Variants in EPPK1 observed in about 807,000 individuals in gnomAD.
EPPK1 encodes the protein epiplakin.
For missense variants in EPPK1, 3,823 were observed against 3,673.3 expected, an observed-to-expected ratio of 1.04 and a Z score of -1.05; for synonymous variants, 1,862 against 1,721.2, an observed-to-expected ratio of 1.08 and a Z score of -2.03.
At chr8:143,877,160 C>G (rs1454952523) in intron 1 of EPPK1, among the ~76,000 whole-genome samples, 1 of 152,212 alleles carries the variant, frequency 6.6e-6, no homozygotes, top group Non-Finnish European at 1.5e-5. Flanking sequence ...TGGCTGGCTG[C>G]ACCACTCCCT....
In EPPK1 at chr8:143,857,604, C is replaced by T. The variant is rs1281665656; in HGVS notation, c.*383G>A. On this transcript the variant is annotated 3_prime_UTR_variant, in exon 2 of 2. Transcript: ENST00000615648. ...AATAGCACATCGTTAGGGAAATAAC[C>T]GCATGTAATAAAAATTACACTGCAA... is the stretch of plus-strand genomic sequence containing the variant. The T allele has an allele frequency of 4.7e-6, 1 of 211,532 alleles. No individual in the cohort carries two copies. The highest frequency in any genetic ancestry group is 1.1e-4 in the East Asian group (1 of 9,422). The allele number at this position is 211,532 out of a possible 1,614,324, so 13.1% of individuals were successfully genotyped here. A position where few individuals can be genotyped will look rare whatever the true frequency, so the allele number is the denominator to read the frequency against.
In EPPK1 at chr8:143,857,590, G is replaced by A. The variant is rs781921297; in HGVS notation, c.*397C>T. The A allele has an allele frequency of 3.7e-5, 7 of 190,682 alleles. No individual in the cohort carries two copies. The highest frequency in any genetic ancestry group is 5.3e-5 in the Non-Finnish European group (5 of 93,866). 11.8% of individuals were successfully genotyped at this position (190,682 alleles called of 1,614,324 possible). A position where few individuals can be genotyped will look rare whatever the true frequency, so the allele number is the denominator to read the frequency against. ...TGAAGATGAACGTGAATAGCACATC[G>A]TTAGGGAAATAACCGCATGTAATAA... is the stretch of plus-strand genomic sequence containing the variant. On this transcript the variant is annotated 3_prime_UTR_variant, in exon 2 of 2. Transcript: ENST00000615648.
rs1554660544 is a variant in EPPK1 at position 143,869,921 on chromosome 8, G to C, written c.3333C>G (p.His1111Gln). ...GAGCACTTTCTGGCAGGGGCAGGAGGTGAAGGCCAGAAGTCTCATCCCTGG... is the reference window on the plus strand; with the variant it reads ...GAGCACTTTCTGGCAGGGGCAGGAGCTGAAGGCCAGAAGTCTCATCCCTGG... ...ECPRDETSGL[H>Q]LLPLPESAPA... The change falls in exon 2 of 2, where the codon CAC (histidine) becomes CAG (glutamine). Residue 1111 changes from histidine (H) to glutamine (Q), a missense_variant. By Grantham distance (24) the His-to-Gln change is conservative. Coordinates refer to ENST00000615648, the MANE Select transcript of EPPK1 (RefSeq NM_031308.4). 6.2e-7 allele frequency: 1 copy of C among 1,609,362 alleles called. No homozygotes were observed. Among genetic ancestry groups the C allele is most frequent in the East Asian group, 2.2e-5 (1 of 44,818 alleles).
At position 143,871,418 on chromosome 8, in the gene EPPK1, A is replaced by G; in HGVS notation, c.1836T>C (p.Ile612=). 2 of 1,604,714 alleles carry G rather than the reference A, an allele frequency of 1.2e-6. No individual in the cohort carries two copies. The highest frequency in any genetic ancestry group is 1.7e-6 in the Non-Finnish European group (2 of 1,176,912). ...VQRYLQGTGC[I]AGLLLPGSQE... is the part of the protein sequence containing the mutation. The stretch of plus-strand genomic sequence containing the variant: ...GGGAGCCAGGGAGCAGCAGGCCAGC[A>G]ATGCAGCCCGTACCCTGCAGGTACC... Residue 612 remains isoleucine, a synonymous_variant, in exon 2 of 2, where the codon ATT becomes ATC. Transcript: ENST00000615648.
chr8:143,872,294 C>G lies in EPPK1; in HGVS notation c.960G>C (p.Glu320Asp), dbSNP rs782052054. ...CCAGGGTGTGGGTGGCAGCCTGGGC[C>G]TCTAGGAGTGGCAGCGCGGTGCCCA... ...LPMGTALPLL[E>D]AQAATHTLVD... The change falls in exon 2 of 2, where the codon GAG becomes GAC. Residue 320 changes from glutamate to aspartate, a missense_variant. Glu to Asp is a conservative substitution (Grantham distance 45). Coordinates refer to ENST00000615648, the MANE Select transcript of EPPK1 (RefSeq NM_031308.4). 2 of 1,603,490 alleles carry G rather than the reference C, an allele frequency of 1.2e-6. No homozygotes were observed. The highest frequency in any genetic ancestry group is 1.7e-6 in the Non-Finnish European group (2 of 1,175,010).
rs782268272 is a variant in EPPK1 at position 143,869,954 on chromosome 8, C to G, written c.3300G>C (p.Glu1100Asp). Residue 1100 changes from glutamate (E) to aspartate (D), a missense_variant, in exon 2 of 2, where the codon GAG becomes GAC. Physicochemically the swap from Glu to Asp is conservative, Grantham distance 45. Transcript: ENST00000615648. ...QGRTSYAQLLEECPRDETSGL... is the reference protein window; with the variant it reads ...QGRTSYAQLLDECPRDETSGL... ...CAGAAGTCTCATCCCTGGGGCACTC[C>G]TCCAGGAGCTGGGCATAGCTCGTGC... 6.2e-7 allele frequency: 1 copy of G among 1,607,464 alleles called. No homozygotes were observed. Among genetic ancestry groups the G allele is most frequent in the South Asian group, 1.1e-5 (1 of 90,162 alleles).
chr8:143,867,042 C>A lies in EPPK1; in HGVS notation c.6212G>T (p.Arg2071Met). ...GCCCGTGTCCTCTTGTGGGCGGCAC[C>A]TCTCCTGCAGCTCTCGGTACGAGAC... ...EKVSYRELQE[R>M]CRPQEDTGWL... is the part of the protein sequence containing the mutation. Residue 2071 changes from arginine (R) to methionine (M), a missense_variant, in exon 2 of 2, where the codon AGG becomes ATG. By Grantham distance (91) the Arg-to-Met change is moderately conservative. Coordinates refer to ENST00000615648, the MANE Select transcript of EPPK1 (RefSeq NM_031308.4). 6.2e-7 allele frequency: 1 copy of A among 1,612,886 alleles called. No individual in the cohort carries two copies. The highest frequency in any genetic ancestry group is 8.5e-7 in the Non-Finnish European group (1 of 1,179,846).
chr8:143,866,723 A>C lies in EPPK1; in HGVS notation c.6531T>G (p.Ile2177Met). The change falls in exon 2 of 2, where the codon ATT becomes ATG. Residue 2177 changes from isoleucine (I) to methionine (M), a missense_variant. Ile to Met is a conservative substitution (Grantham distance 10). Coordinates refer to ENST00000615648, the MANE Select transcript of EPPK1 (RefSeq NM_031308.4). ...TSNKHLWFQG[I>M]RRQITASELL... ...GTTCAGAAGCTGTGATCTGTCGTCT[A>C]ATTCCTTGGAACCACAGGTGTTTGT... is the stretch of plus-strand genomic sequence containing the variant. 6.2e-7 allele frequency: 1 copy of C among 1,613,388 alleles called. No individual in the cohort carries two copies. The highest frequency in any genetic ancestry group is 1.1e-5 in the South Asian group (1 of 91,072).
Position 143,871,381 on chromosome 8 carries a change from T to G in EPPK1, c.1873A>C (p.Ser625Arg). 1 of 1,607,196 alleles carries G rather than the reference T, an allele frequency of 6.2e-7. No individual in the cohort carries two copies. The highest frequency in any genetic ancestry group is 8.5e-7 in the Non-Finnish European group (1 of 1,177,868). The part of the protein sequence containing the change: ...LLLPGSQERL[S>R]IYEARCKGLL... Reference sequence around the variant, plus strand: ...CCCTTGCATCGGGCCTCATAGATGCTCAGGCGTTCCTGGGAGCCAGGGAGC... The same window carrying G: ...CCCTTGCATCGGGCCTCATAGATGCGCAGGCGTTCCTGGGAGCCAGGGAGC... The change falls in exon 2 of 2, where the codon AGC (serine) becomes CGC (arginine). Residue 625 changes from serine to arginine, a missense_variant. Transcript: ENST00000615648.
rs1487128744 is a variant in EPPK1 at position 143,872,349 on chromosome 8, A to G, written c.905T>C (p.Phe302Ser). 4.4e-6 allele frequency: 7 copies of G among 1,605,204 alleles called. No individual in the cohort carries two copies. The African/African-American group carries it at 8.0e-5, about 18-fold the overall frequency. Residue 302 changes from phenylalanine to serine, a missense_variant, in exon 2 of 2, where the codon TTC (phenylalanine) becomes TCC (serine). By Grantham distance (155) the Phe-to-Ser change is radical. Coordinates refer to ENST00000615648, the MANE Select transcript of EPPK1 (RefSeq NM_031308.4). The stretch of plus-strand genomic sequence containing the variant: ...GAGCAGGTGCTCGGTGGCAGCCTGG[A>G]AAAAGCTCTTCTTGTGGCCTTCGGG... ...LLPEGHKKSF[F>S]QAATEHLLPM...
Position 143,866,506 on chromosome 8 carries a change from A to G in EPPK1, c.6748T>C (p.Trp2250Arg). The change falls in exon 2 of 2, where the codon TGG (tryptophan) becomes CGG (arginine). Residue 2250 changes from tryptophan (W) to arginine (R), a missense_variant. Coordinates refer to ENST00000615648, the MANE Select transcript of EPPK1 (RefSeq NM_031308.4). ...GTGCCGGGCCGCAGCACGCCCTTCC[A>G]CATGGCCTGGTAGATGCTCATCTTC... Reference protein sequence around the residue: ...QEKMSIYQAMWKGVLRPGTAL... With the variant: ...QEKMSIYQAMRKGVLRPGTAL... 1.9e-6 allele frequency: 3 copies of G among 1,558,008 alleles called. No homozygotes were observed. The highest frequency in any genetic ancestry group is 2.6e-6 in the Non-Finnish European group (3 of 1,157,040).
At position 143,872,033 on chromosome 8, in the gene EPPK1, T is replaced by C; in HGVS notation, c.1221A>G (p.Pro407=). Residue 407 remains proline, a synonymous_variant, in exon 2 of 2, where the codon CCA becomes CCG. Transcript: ENST00000615648. Reference sequence around the variant, plus strand: ...CCAGGGGCAGCCGGAGCCTGCGTGCTGGACAGACCAGCCCGCCTGTGGCCA... The same window carrying C: ...CCAGGGGCAGCCGGAGCCTGCGTGCCGGACAGACCAGCCCGCCTGTGGCCA... The part of the protein sequence containing the change: ...AQLATGGLVC[P]ARRLRLPLEA... The C allele has an allele frequency of 5.8e-6, 9 of 1,560,546 alleles. No individual in the cohort carries two copies. The highest frequency in any genetic ancestry group is 6.9e-6 in the Non-Finnish European group (8 of 1,154,154).
chr8:143,867,469 A>G lies in EPPK1; in HGVS notation c.5785T>C (p.Trp1929Arg), dbSNP rs782700219. The G allele has an allele frequency of 6.8e-6, 11 of 1,612,584 alleles. No homozygotes were observed. Among genetic ancestry groups the G allele is most frequent in the South Asian group, 6.6e-5 (6 of 91,072 alleles). The change falls in exon 2 of 2, where the codon TGG becomes CGG. Residue 1929 changes from tryptophan to arginine, a missense_variant. Transcript: ENST00000615648. ...KELIPAAFAT[W>R]LLEAQAATGF... The stretch of plus-strand genomic sequence containing the variant: ...GTGGCGGCCTGCGCCTCCAGCAGCC[A>G]AGTCGCAAATGCTGCAGGGATGAGC...
rs377279686 is a variant in EPPK1 at position 143,869,459 on chromosome 8, G to A, written c.3795C>T (p.Ala1265=). Residue 1265 remains alanine, a synonymous_variant, in exon 2 of 2, where the codon GCC becomes GCT. Coordinates refer to ENST00000615648, the MANE Select transcript of EPPK1 (RefSeq NM_031308.4). ...CTGTGGGCAGGAGGCCATCCCTCAC[G>A]GCCTGGGCGATGCTGGCCTTGGCCC... The part of the protein sequence containing the change: ...PSGAKASIAQ[A]VRDGLLPTGL... The A allele has an allele frequency of 2.3e-5, 36 of 1,562,766 alleles. No homozygotes were observed. Among genetic ancestry groups the A allele is most frequent in the South Asian group, 9.4e-5 (8 of 84,746 alleles).
Position 143,868,590 on chromosome 8 carries a change from T to A in EPPK1, c.4664A>T (p.Lys1555Met). 1 of 1,604,004 alleles carries A rather than the reference T, an allele frequency of 6.2e-7. No homozygotes were observed. The highest frequency in any genetic ancestry group is 1.1e-5 in the South Asian group (1 of 89,490). Residue 1555 changes from lysine (K) to methionine (M), a missense_variant, in exon 2 of 2, where the codon AAG (lysine) becomes ATG (methionine). Coordinates refer to ENST00000615648, the MANE Select transcript of EPPK1 (RefSeq NM_031308.4). ...CACGCTGTCCATCTCCGCCACCTCC[T>A]TCACAGTCGTTGTCCCCTGGCTCAG... ...DELSQGTTTV[K>M]EVAEMDSVKR...
chr8:143,857,764 T>C lies in EPPK1; in HGVS notation c.*223A>G. On this transcript the variant is annotated 3_prime_UTR_variant, in exon 2 of 2. Transcript: ENST00000615648. ...GAGAAAAGTAAAACCATATGACACA[T>C]AGACGACCCAGAAAACACACCAAAA... 7 of 477,230 alleles carry C rather than the reference T, an allele frequency of 1.5e-5. No individual in the cohort carries two copies. Among genetic ancestry groups the C allele is most frequent in the East Asian group, 9.7e-5 (3 of 30,834 alleles). The allele number at this position is 477,230 out of a possible 1,614,324, so 29.6% of individuals were successfully genotyped here.
rs544053812 is a variant in EPPK1 at position 143,867,824 on chromosome 8, C to T, written c.5430G>A (p.Lys1810=). 1,297 of 1,613,592 alleles carry T rather than the reference C, an allele frequency of 8.0e-4. 27 individuals carry two copies. In the South Asian group the frequency reaches 0.013, roughly 17 times the overall value. Residue 1810 remains lysine, a synonymous_variant, in exon 2 of 2, where the codon AAG becomes AAA. Coordinates refer to ENST00000615648, the MANE Select transcript of EPPK1 (RefSeq NM_031308.4). ...LSSPYFTEDR[K]RELIQEYGAQ... is the part of the protein sequence containing the mutation. ...CTCCATACTCCTGGATGAGCTCCCGCTTCCTGTCCTCTGTGAAGTATGGAG... is the reference window on the plus strand; with the variant it reads ...CTCCATACTCCTGGATGAGCTCCCGTTTCCTGTCCTCTGTGAAGTATGGAG...
rs1819350766 is a variant in EPPK1 at position 143,871,586 on chromosome 8, G to A, written c.1668C>T (p.Ala556=). ...SATLEQAAAT[A]RVTFSGLRDT... is the part of the protein sequence containing the mutation. ...CCCTCAGCCCAGAAAAGGTGACCCT[G>A]GCAGTGGCTGCAGCCTGCTCGAGGG... The change falls in exon 2 of 2, where the codon GCC becomes GCT. Residue 556 remains alanine, a synonymous_variant. Coordinates refer to ENST00000615648, the MANE Select transcript of EPPK1 (RefSeq NM_031308.4). 6.2e-7 allele frequency: 1 copy of A among 1,609,428 alleles called. No individual in the cohort carries two copies. Among genetic ancestry groups the A allele is most frequent in the East Asian group, 2.2e-5 (1 of 44,780 alleles).
At chr8:143,875,709 G>A (rs1331010178) in intron 1 of EPPK1, among the ~76,000 whole-genome samples, 3 of 152,256 alleles carry the variant, frequency 2.0e-5, no homozygotes, top group South Asian at 2.1e-4. Flanking sequence ...AATGGGCCAC[G>A]GGCCCGCTGG....
Sources: allele counts gnomAD v4.1 joint callset (sites outside exome capture counted in the v4.1 genomes callset), GRCh38; gene constraint gnomAD v4.1.1; transcripts MANE v1.5; gene names NCBI Gene and HGNC (gene_info 2026-07-23, HGNC 2026-07-21).